The following ABHD2 variants were observed in gnomAD, a reference collection of about 807,000 sequenced individuals.
The protein encoded by ABHD2 is monoacylglycerol lipase ABHD2.
A neutral mutation model predicts 48.1 loss-of-function variants in ABHD2; 20 were observed. The ratio of observed to expected loss-of-function variants is 0.42; its 90% CI spans 0.29 to 0.60. The LOEUF is 0.60. Ranked by LOEUF, ABHD2 falls within the 20% of genes least tolerant of loss-of-function variation. The pLI is 0.24. For missense variants in ABHD2, 405 were observed against 550.9 expected (o/e 0.74, Z 2.65); for synonymous variants, 209 against 214.2 (o/e 0.98, Z 0.21).
chr15:89,074,438 A>G, the ABHD2 span, among the ~76,000 whole-genome samples: 30,428 of 151,962 alleles, frequency 0.2, 3,703 homozygotes, highest in East Asian at 0.35. Flanking sequence ...TCTTTCCCAG[A>G]TCAAATTAAA....
chr15:89,110,319 G>A (rs1054487084), intron 1 of ABHD2, among the ~76,000 whole-genome samples: 4 of 152,062 alleles, frequency 2.6e-5, no homozygotes, highest in Non-Finnish European at 4.4e-5. Context: ...GCCTCGGCCT[G>A]CAAAGTGCTA....
upstream of ABHD2, chr15:89,087,050 A>G (rs1291960881): frequency 6.6e-6 from 1 of 152,198 alleles, no homozygotes; most frequent in Non-Finnish European, 1.5e-5. This position sits in a 1 kb window ranked among gnomAD's most constrained non-coding sequence, Gnocchi z 5.5. Context: ...AAAGACAGAC[A>G]CAAAGGGTCT....
At chr15:89,165,555 C>T (rs1371928343) in intron 5 of ABHD2, among the ~76,000 whole-genome samples, 1 of 151,788 alleles carries the variant, frequency 6.6e-6, no homozygotes, top group African/African-American at 2.4e-5. Context: ...GAGTTCAAGA[C>T]CAGCTGGGCA....
the ABHD2 span, among the ~76,000 whole-genome samples, chr15:89,069,091 G>A: frequency 3.3e-4 from 48 of 147,604 alleles, no homozygotes; most frequent in Middle Eastern, 3.5e-3. Context: ...AAAACAGTCT[G>A]GCAAGCTCTT....
At chr15:89,112,659 A>C (rs916489511) in intron 1 of ABHD2, among the ~76,000 whole-genome samples, 2 of 152,232 alleles carry the variant, frequency 1.3e-5, no homozygotes, top group African/African-American at 4.8e-5. Context: ...TTGGGCTTGA[A>C]TCCCAGCTCT....
intron 4 of ABHD2, among the ~76,000 whole-genome samples, chr15:89,152,421 T>G (rs1039993586): frequency 1.3e-5 from 2 of 152,168 alleles, no homozygotes; most frequent in African/African-American, 4.8e-5. Context: ...AGAAGCTTGA[T>G]GTACGGGGAT....
chr15:89,136,092 A>ATTTTTT, intron 3 of ABHD2: 1 of 166,938 alleles, frequency 6.0e-6, no homozygotes, highest in Non-Finnish European at 1.2e-5. Flanking sequence ...ATGCCTGGCA[A>ATTTTTT]TTTTTTTTTT....
chr15:89,134,668 T>C (rs1002264576), intron 3 of ABHD2, among the ~76,000 whole-genome samples: 3 of 152,180 alleles, frequency 2.0e-5, no homozygotes, highest in African/African-American at 7.2e-5. Flanking sequence ...AAAAATCTTA[T>C]TATTTTTATT....
Position 89,155,264 on chromosome 15 carries a change from T to C in ABHD2, c.371-103T>C. The C allele has an allele frequency of 7.6e-7, 1 of 1,315,434 alleles. No individual in the cohort carries two copies. Among genetic ancestry groups the C allele is most frequent in the South Asian group, 1.4e-5 (1 of 72,982 alleles). The allele number at this position is 1,315,434 out of a possible 1,614,324, so 81.5% of individuals were successfully genotyped here. On this transcript the variant is annotated intron_variant, in intron 4 of 10. Coordinates refer to ENST00000352732, the MANE Select transcript of ABHD2 (RefSeq NM_152924.5). This position sits in a 1 kb window ranked among gnomAD's most constrained non-coding sequence, Gnocchi z 4.9. ...CAGAGAACTGAGTGAAAGATGTATG[T>C]TGAATTCCCTCCCCTTGTTTTCTAG...
the ABHD2 span, among the ~76,000 whole-genome samples, chr15:89,060,429 A>C: frequency 6.6e-6 from 1 of 151,854 alleles, no homozygotes; most frequent in East Asian, 1.9e-4. Flanking sequence ...TCCCAAAACA[A>C]AGAGTTTTTT....
intron 10 of ABHD2, among the ~76,000 whole-genome samples, chr15:89,194,597 C>G (rs1265226343): frequency 6.6e-6 from 1 of 152,132 alleles, no homozygotes; most frequent in Non-Finnish European, 1.5e-5. Context: ...TCATTGACTC[C>G]ATTGAATTCT....
In ABHD2 at chr15:89,167,277, G is replaced by A. The variant is rs2050851957; in HGVS notation, c.539-8535G>A. On this transcript the variant is annotated intron_variant, in intron 5 of 10. Coordinates refer to ENST00000352732, the MANE Select transcript of ABHD2 (RefSeq NM_152924.5). The surrounding 1 kb of genome is among the most constrained non-coding windows in gnomAD (Gnocchi z 5.5). ...GACTCAATTTTGAATTGTATTCATA[G>A]TTATGAATTGTGTTGCCTCTGCATT... is the stretch of plus-strand genomic sequence containing the variant. Among the ~76,000 whole-genome samples, 1 of 151,730 alleles carries A rather than the reference G, an allele frequency of 6.6e-6. No homozygotes were observed. Among genetic ancestry groups the A allele is most frequent in the Non-Finnish European group, 1.5e-5 (1 of 67,938 alleles).
the ABHD2 span, among the ~76,000 whole-genome samples, chr15:89,074,718 A>AC: frequency 6.6e-6 from 1 of 151,924 alleles, no homozygotes; most frequent in African/African-American, 2.4e-5. Context: ...CCTGTCTCCA[A>AC]CCCCTCCCCA....
intron 3 of ABHD2, among the ~76,000 whole-genome samples, chr15:89,141,665 T>C (rs1471657996): frequency 6.6e-6 from 1 of 152,118 alleles, no homozygotes; most frequent in African/African-American, 2.4e-5. Flanking sequence ...AGGGAGTTAC[T>C]CCTGAGTGAT....
chr15:89,176,062 CA>C lies in ABHD2; in HGVS notation c.722+69del. ...TTATTTATAGAGATGCCCCGACGCA[CA>C]ACACACTGTTCTGTGAAGACCGGGG... On this transcript the variant is annotated intron_variant, in intron 6 of 10. Transcript: ENST00000352732. The surrounding 1 kb of genome is among the most constrained non-coding windows in gnomAD (Gnocchi z 4.5). 1 of 1,464,654 alleles carries C rather than the reference CA, an allele frequency of 6.8e-7. No homozygotes were observed. Among genetic ancestry groups the C allele is most frequent in the Non-Finnish European group, 9.2e-7 (1 of 1,081,914 alleles). The allele number at this position is 1,464,654 out of a possible 1,614,324, so 90.7% of individuals were successfully genotyped here. A position where few individuals can be genotyped will look rare whatever the true frequency, so the allele number is the denominator to read the frequency against.
At chr15:89,041,836 C>T in the ABHD2 span, among the ~76,000 whole-genome samples, 2 of 152,104 alleles carry the variant, frequency 1.3e-5, no homozygotes, top group Non-Finnish European at 2.9e-5. Context: ...TGCTAGGGGT[C>T]AGATGGTCAC....
chr15:89,049,900 A>G, the ABHD2 span, among the ~76,000 whole-genome samples: 2 of 152,180 alleles, frequency 1.3e-5, no homozygotes, highest in Non-Finnish European at 2.9e-5. Flanking sequence ...CTATTCGGCC[A>G]TCTTGGCTCC....
chr15:89,201,889 C>A lies in ABHD2; in HGVS notation c.*6466C>A. The A allele has an allele frequency of 1.5e-6, 1 of 658,386 alleles. No homozygotes were observed. 40.8% of individuals were successfully genotyped at this position (658,386 alleles called of 1,614,324 possible). On this transcript the variant is annotated 3_prime_UTR_variant, in exon 11 of 11. Transcript: ENST00000352732. ...GGGGAGGGGGAGCGAGTTCGCATCTCTCCTTTTCCTGGTTAGACTCTGTTC... is the reference window on the plus strand; with the variant it reads ...GGGGAGGGGGAGCGAGTTCGCATCTATCCTTTTCCTGGTTAGACTCTGTTC...
the ABHD2 span, among the ~76,000 whole-genome samples, chr15:89,049,859 T>C: frequency 1.4e-4 from 22 of 152,312 alleles, no homozygotes; most frequent in Admixed American, 1.0e-3. Context: ...TTTGCATCGC[T>C]CATGCTGGGA....
Sources: gnomAD v4.1 joint callset for allele counts (sites outside exome capture counted in the v4.1 genomes callset) on GRCh38, gnomAD v4.1.1 for gene constraint, Gnocchi (gnomAD v3.1) non-coding constraint, MANE v1.5 for transcripts, NCBI Gene and HGNC (gene_info 2026-07-23, HGNC 2026-07-21) for gene names.